The following STXBP5L variants were observed in gnomAD, a reference collection of about 807,000 sequenced individuals.
STXBP5L encodes syntaxin-binding protein 5-like.
STXBP5L carries 65 observed loss-of-function variants against 144.5 expected under a neutral mutation model. The observed-to-expected ratio is 0.45, with a 90% CI of 0.37 to 0.55. The LOEUF (loss-of-function observed/expected upper bound fraction) is 0.55. Among genes scored for constraint, STXBP5L ranks in the 20% least tolerant of loss-of-function variants. The pLI, the probability that STXBP5L is intolerant of heterozygous loss-of-function variation, is 0.00. For missense variants in STXBP5L, 1,298 were observed against 1,405.5 expected, an observed-to-expected ratio of 0.92 and a Z score of 1.22; for synonymous variants, 505 against 469.6, an observed-to-expected ratio of 1.08 and a Z score of -0.97.
At chr3:121,089,138 G>GA (rs10713184) in intron 5 of STXBP5L, among the ~76,000 whole-genome samples, 1 of 106,356 alleles carries the variant, frequency 9.4e-6, no homozygotes, top group African/African-American at 3.3e-5. Context: ...AGAGGAGAAG[G>GA]AAAAAAATAT....
intron 7 of STXBP5L, among the ~76,000 whole-genome samples, chr3:121,143,304 A>C (rs576659472): frequency 3.3e-5 from 5 of 151,448 alleles, no homozygotes; most frequent in African/African-American, 4.8e-5. Context: ...AAAAAAAAAA[A>C]AACAACTTGA....
intron 20 of STXBP5L, among the ~76,000 whole-genome samples, chr3:121,355,631 C>T (rs769253938): frequency 6.6e-6 from 1 of 152,100 alleles, no homozygotes; most frequent in Non-Finnish European, 1.5e-5. Context: ...TGGGTTCTAA[C>T]CTGCTCCTTT....
intron 3 of STXBP5L, among the ~76,000 whole-genome samples, chr3:120,976,538 A>C (rs1031387709): frequency 9.9e-5 from 15 of 151,942 alleles, no homozygotes; most frequent in African/African-American, 3.6e-4. Context: ...TTATGTCTCT[A>C]TCTCCTTCAG....
Position 121,013,914 on chromosome 3 carries a change from T to C in STXBP5L, c.288-27786T>C, listed in dbSNP as rs374966241. On this transcript the variant is annotated intron_variant, in intron 3 of 26. Transcript: ENST00000471454. Reference sequence around the variant, plus strand: ...TAGGATATCCTTTCCCTGTTGTTTATTTTTGTCAACTTTGTCAAAGATCAG... The same window carrying C: ...TAGGATATCCTTTCCCTGTTGTTTACTTTTGTCAACTTTGTCAAAGATCAG... 5.9e-4 allele frequency among the ~76,000 whole-genome samples: 90 copies of C among 152,208 alleles called. No homozygotes were observed. In the East Asian group the frequency reaches 0.01, roughly 18 times the overall value.
chr3:120,983,733 G>A (rs897430308), intron 3 of STXBP5L, among the ~76,000 whole-genome samples: 9 of 152,070 alleles, frequency 5.9e-5, no homozygotes, highest in Admixed American at 4.6e-4. Flanking sequence ...CCACATCAGG[G>A]AGCTTCTATC....
chr3:121,053,729 T>G (rs1948219022), intron 5 of STXBP5L, among the ~76,000 whole-genome samples: 1 of 152,074 alleles, frequency 6.6e-6, no homozygotes. Context: ...AAAGCCAAAA[T>G]TGACAAATGG....
intron 3 of STXBP5L, among the ~76,000 whole-genome samples, chr3:121,029,160 A>T (rs1207739699): frequency 6.6e-6 from 1 of 152,188 alleles, no homozygotes; most frequent in Non-Finnish European, 1.5e-5. Flanking sequence ...GACTTTCTTC[A>T]CAGAATTAGA....
chr3:120,965,538 C>G (rs900188289), intron 3 of STXBP5L, among the ~76,000 whole-genome samples: 2 of 152,050 alleles, frequency 1.3e-5, no homozygotes, highest in African/African-American at 4.8e-5. Context: ...TTTATGAAGC[C>G]TAGTTTGGCT....
intron 5 of STXBP5L, among the ~76,000 whole-genome samples, chr3:121,072,647 G>GC (rs1164509070): frequency 1.3e-5 from 2 of 152,106 alleles, no homozygotes; most frequent in African/African-American, 4.8e-5. Flanking sequence ...TCCAGTAAGG[G>GC]CATGGTAAGG....
intron 5 of STXBP5L, among the ~76,000 whole-genome samples, chr3:121,105,720 G>A (rs1162113631): frequency 6.6e-6 from 1 of 152,036 alleles, no homozygotes; most frequent in Non-Finnish European, 1.5e-5. Flanking sequence ...TACAAACTAA[G>A]TATGGACACA....
At chr3:121,001,012 GGTAA>G (rs1009614933) in intron 3 of STXBP5L, among the ~76,000 whole-genome samples, 2 of 152,136 alleles carry the variant, frequency 1.3e-5, no homozygotes, top group African/African-American at 2.4e-5. Flanking sequence ...GGGGGAAGGG[GGTAA>G]GTGTTTCTGG....
chr3:121,096,766 A>G (rs760005023), intron 5 of STXBP5L, among the ~76,000 whole-genome samples: 1 of 152,206 alleles, frequency 6.6e-6, no homozygotes, highest in Non-Finnish European at 1.5e-5. Context: ...GCTCTCCTGT[A>G]TGAGGTTTCT....
intron 3 of STXBP5L, among the ~76,000 whole-genome samples, chr3:121,040,773 G>A (rs1241328103): frequency 1.3e-5 from 2 of 152,008 alleles, no homozygotes; most frequent in Non-Finnish European, 1.5e-5. Flanking sequence ...GTAAACTGGG[G>A]CTATCATAAG....
chr3:120,908,717 C>T (rs1299350795), intron 1 of STXBP5L, among the ~76,000 whole-genome samples: 1 of 151,636 alleles, frequency 6.6e-6, no homozygotes, highest in Non-Finnish European at 1.5e-5. Context: ...TTCACGTCCC[C>T]CGAGAGCGGC....
chr3:120,977,527 G>A (rs890846705), intron 3 of STXBP5L, among the ~76,000 whole-genome samples: 2 of 152,152 alleles, frequency 1.3e-5, no homozygotes, highest in African/African-American at 2.4e-5. Context: ...TTTAATTGTA[G>A]CATTTAGTCC....
intron 9 of STXBP5L, among the ~76,000 whole-genome samples, chr3:121,184,492 A>C (rs1041243159): frequency 6.6e-6 from 1 of 151,870 alleles, no homozygotes; most frequent in Admixed American, 6.6e-5. Context: ...TAATGAAATA[A>C]AGTGTGAAGA....
intron 23 of STXBP5L, 107 bp downstream of exon 23, chr3:121,407,710 A>T (rs2047026596): frequency 7.2e-7 from 1 of 1,393,998 alleles, no homozygotes; most frequent in Non-Finnish European, 9.7e-7. Context: ...GCAAACTGAG[A>T]TTATTGTTTC....
chr3:121,205,597 C>A (rs938772679), intron 9 of STXBP5L, among the ~76,000 whole-genome samples: 2 of 152,100 alleles, frequency 1.3e-5, no homozygotes, highest in African/African-American at 4.8e-5. Flanking sequence ...GTCTTCAATT[C>A]TAAACTTATT....
At chr3:120,999,363 GTT>G (rs1324038984) in intron 3 of STXBP5L, among the ~76,000 whole-genome samples, 1 of 152,078 alleles carries the variant, frequency 6.6e-6, no homozygotes, top group Non-Finnish European at 1.5e-5. Context: ...GTGGTTTAAA[GTT>G]TGTTTTATCT....
Sources: gnomAD v4.1 joint callset for allele counts (sites outside exome capture counted in the v4.1 genomes callset) on GRCh38, gnomAD v4.1.1 for gene constraint, MANE v1.5 for transcripts, NCBI Gene and HGNC (gene_info 2026-07-23, HGNC 2026-07-21) for gene names.